TMEM39A: variants seen among roughly 807,000 people sequenced by gnomAD.
TMEM39A encodes the protein transmembrane protein 39A, also known as suppressor of SQST-1 aggregates in rpl-43 mutants.
A neutral mutation model predicts 51.9 loss-of-function variants in TMEM39A; 19 were observed. The observed-to-expected ratio is 0.37, with a 90% confidence interval of 0.26 to 0.54. The LOEUF (loss-of-function observed/expected upper bound fraction) is 0.54, where lower values mean the gene tolerates loss of function less well. Ranked by LOEUF, TMEM39A falls within the 20% of genes least tolerant of loss-of-function variation. The pLI is 0.88. For missense variants in TMEM39A, 433 were observed against 590.5 expected (o/e 0.73, Z 2.76); for synonymous variants, 197 against 220.2 (o/e 0.89, Z 0.93).
chr3:119,444,394 CAG>C (rs545111989), intron 5 of TMEM39A, among the ~76,000 whole-genome samples: 219 of 152,202 alleles, frequency 1.4e-3, no homozygotes, highest in African/African-American at 5.0e-3. Flanking sequence ...CATATGAAAT[CAG>C]AGTCATGAAA....
chr3:119,432,440 G>A (rs996432914), intron 8 of TMEM39A, among the ~76,000 whole-genome samples: 1 of 151,848 alleles, frequency 6.6e-6, no homozygotes, highest in Admixed American at 6.6e-5. Context: ...CAATGCCCCT[G>A]AGACACGAAA....
At position 119,434,895 on chromosome 3, in the gene TMEM39A, G is replaced by C. The variant is rs749703516; in HGVS notation, c.1113-13C>G. 6.2e-6 allele frequency: 10 copies of C among 1,611,808 alleles called. No homozygotes were observed. The Admixed American group carries it at 1.7e-4, about 27-fold the overall frequency. ...ATTTTCTGACCAACTAAGGGAGAAA[G>C]AAATGCAATGTTAGCATATTGGCAA... is the stretch of plus-strand genomic sequence containing the variant. On this transcript the variant is annotated splice_polypyrimidine_tract_variant and intron_variant, in intron 7 of 8. Coordinates refer to ENST00000319172, the MANE Select transcript of TMEM39A (RefSeq NM_018266.3).
chr3:119,460,901 G>C (rs151306747), intron 2 of TMEM39A, among the ~76,000 whole-genome samples: 49 of 152,246 alleles, frequency 3.2e-4, no homozygotes, highest in African/African-American at 1.1e-3. Context: ...ACCTATATTA[G>C]ATAGTACCTT....
rs116670935 is a variant in TMEM39A, at chr3:119,447,398, G to A, written c.421-226C>T. On this transcript the variant is annotated intron_variant, in intron 4 of 8. Transcript: ENST00000319172. ...TTGCACCCCGAGAGTGCCATCTACA[G>A]AACTCTTTTAAGGTCTTTTTATATC... 8.0e-3 allele frequency among the ~76,000 whole-genome samples: 1,218 copies of A among 152,160 alleles called. 22 individuals are homozygous for A. The highest frequency in any genetic ancestry group is 0.072 in the South Asian group (346 of 4,806).
At chr3:119,462,633 A>AGGGGGGG (rs1200172060) in intron 1 of TMEM39A, among the ~76,000 whole-genome samples, 23 of 2,254 alleles carry the variant, frequency 0.01, 2 homozygotes, top group East Asian at 0.077. Context: ...TGTTTCTTCA[A>AGGGGGGG]GGGGGGGGGG....
intron 5 of TMEM39A, among the ~76,000 whole-genome samples, chr3:119,441,574 T>G (rs1034354837): frequency 1.3e-5 from 2 of 152,178 alleles, no homozygotes; most frequent in African/African-American, 4.8e-5. Flanking sequence ...AGCGGTTAGT[T>G]CGTGAGGTTT....
chr3:119,455,468 G>A (rs116400263), intron 3 of TMEM39A, among the ~76,000 whole-genome samples: 1,679 of 152,296 alleles, frequency 0.011, 12 homozygotes, highest in Middle Eastern at 0.024. Context: ...GCAGAGGCTG[G>A]AAAGCTAAAA....
rs564458798 is a variant in TMEM39A, at chr3:119,431,852, T to A, written c.*129A>T. 6.5e-3 allele frequency: 4,080 copies of A among 629,096 alleles called. 119 individuals are homozygous for A. The African/African-American group carries it at 0.067, about 10-fold the overall frequency. The allele number at this position is 629,096 out of a possible 1,614,324, so 39.0% of individuals were successfully genotyped here. ...CGGATACATTTAATATCCCTTACTC[T>A]TCCCGACTTTCAAAACATAATAGTA... On this transcript the variant is annotated 3_prime_UTR_variant, in exon 9 of 9. Transcript: ENST00000319172.
At chr3:119,433,776 T>C (rs2080929659) in intron 8 of TMEM39A, among the ~76,000 whole-genome samples, 1 of 152,146 alleles carries the variant, frequency 6.6e-6, no homozygotes, top group African/African-American at 2.4e-5. Context: ...AGGAGATGCT[T>C]GTCGTTTTCT....
chr3:119,430,921 G>A lies in TMEM39A; in HGVS notation c.*1060C>T, dbSNP rs1481299314. ...AAGGTCTCATAAGTTTAGATGACAA[G>A]TGACAACATCAATGGACTAAGTATA... On this transcript the variant is annotated 3_prime_UTR_variant, in exon 9 of 9. Coordinates refer to ENST00000319172, the MANE Select transcript of TMEM39A (RefSeq NM_018266.3). 1.3e-5 allele frequency: 2 copies of A among 152,126 alleles called. No homozygotes were observed. The highest frequency in any genetic ancestry group is 2.9e-5 in the Non-Finnish European group (2 of 67,994). The allele number at this position is 152,126 out of a possible 1,614,324, so 9.4% of individuals were successfully genotyped here.
intron 8 of TMEM39A, 121 bp downstream of exon 8, chr3:119,434,641 A>G (rs2080945250): frequency 8.5e-6 from 12 of 1,413,542 alleles, no homozygotes; most frequent in Non-Finnish European, 7.6e-6. Flanking sequence ...GCTAGTAGCA[A>G]TAATTACCAT....
At chr3:119,446,099 G>A (rs1442048149) in intron 5 of TMEM39A, among the ~76,000 whole-genome samples, 1 of 151,988 alleles carries the variant, frequency 6.6e-6, no homozygotes, top group Non-Finnish European at 1.5e-5. Flanking sequence ...TAATAAAATA[G>A]AACAATTATA....
At chr3:119,448,164 A>C (rs9825847) in intron 4 of TMEM39A, among the ~76,000 whole-genome samples, 440 of 152,322 alleles carry the variant, frequency 2.9e-3, no homozygotes, top group African/African-American at 9.9e-3. Flanking sequence ...ATGCATAATC[A>C]CTTCCAATTC....
chr3:119,435,278 G>C (rs1288911414), intron 7 of TMEM39A: 1 of 985,208 alleles, frequency 1.0e-6, no homozygotes. Context: ...ATGGTAATAA[G>C]AATAGTGGAG....
chr3:119,454,922 C>CCT (rs1156661520), intron 3 of TMEM39A, among the ~76,000 whole-genome samples: 7 of 152,082 alleles, frequency 4.6e-5, no homozygotes, highest in African/African-American at 1.7e-4. Flanking sequence ...TAATCAGAGC[C>CCT]CTCTATTCCT....
chr3:119,436,555 C>T (rs929969765), intron 7 of TMEM39A: 6 of 387,430 alleles, frequency 1.5e-5, no homozygotes, highest in Middle Eastern at 1.4e-3. Flanking sequence ...AGACAAATTA[C>T]ACACACTAGA....
At position 119,437,735 on chromosome 3, in the gene TMEM39A, A is replaced by C; in HGVS notation, c.924+20T>G. 1 of 1,496,312 alleles carries C rather than the reference A, an allele frequency of 6.7e-7. No homozygotes were observed. The highest frequency in any genetic ancestry group is 9.0e-7 in the Non-Finnish European group (1 of 1,112,020). 92.7% of individuals were successfully genotyped at this position (1,496,312 alleles called of 1,614,324 possible). On this transcript the variant is annotated intron_variant, in intron 6 of 8. Transcript: ENST00000319172. ...CACACACAAATCCAGGAAGCACATA[A>C]AAGTAAGATAACCACTTACCTTCAC...
At chr3:119,445,236 T>A (rs966000454) in intron 5 of TMEM39A, among the ~76,000 whole-genome samples, 2 of 152,082 alleles carry the variant, frequency 1.3e-5, no homozygotes, top group Admixed American at 1.3e-4. Flanking sequence ...TACACAAGAT[T>A]TGGGAATTTT....
intron 8 of TMEM39A, among the ~76,000 whole-genome samples, chr3:119,434,062 G>A (rs1276484690): frequency 6.6e-6 from 1 of 152,094 alleles, no homozygotes; most frequent in African/African-American, 2.4e-5. Context: ...CTGCACTATA[G>A]GCATTTTTAC....
Sources: gnomAD v4.1 joint callset for allele counts (sites outside exome capture counted in the v4.1 genomes callset) on GRCh38, gnomAD v4.1.1 for gene constraint, MANE v1.5 for transcripts, NCBI Gene and HGNC (gene_info 2026-07-23, HGNC 2026-07-21) for gene names.